Variants in EMILIN2 observed in about 807,000 individuals in gnomAD.
EMILIN2 encodes the protein elastin microfibril interfacer 2.
EMILIN2 carries 71 observed loss-of-function variants against 87.1 expected under a neutral mutation model. The observed-to-expected ratio is 0.82, with a 90% CI of 0.67 to 0.99. The LOEUF (loss-of-function observed/expected upper bound fraction) is 0.99, where lower values mean the gene tolerates loss of function less well. Ranked by LOEUF, EMILIN2 falls within the 50% of genes least tolerant of loss-of-function variation. The pLI is 0.00. For synonymous variants in EMILIN2, 581 were observed against 563.4 expected (o/e 1.03, Z -0.44); for missense variants, 1,407 against 1,371.8 (o/e 1.03, Z -0.40).
chr18:2,874,554 T>C (rs7226712), intron 2 of EMILIN2, among the ~76,000 whole-genome samples: 79,836 of 151,974 alleles, frequency 0.53, 23,362 homozygotes, highest in African/African-American at 0.79. Flanking sequence ...CTGGCACTTT[T>C]TTCCAGAAAC....
intron 2 of EMILIN2, among the ~76,000 whole-genome samples, chr18:2,875,734 T>G (rs2076744324): frequency 6.6e-6 from 1 of 152,126 alleles, no homozygotes; most frequent in Non-Finnish European, 1.5e-5. Flanking sequence ...GCCATGTGAG[T>G]TTGCTCAGAA....
In EMILIN2 at chr18:2,868,021, C is replaced by G. The variant is rs560354109; in HGVS notation, c.258-16943C>G. 3.7e-3 allele frequency among the ~76,000 whole-genome samples: 565 copies of G among 152,054 alleles called. 4 individuals are homozygous for G. Among genetic ancestry groups the G allele is most frequent in the African/African-American group, 0.013 (547 of 41,446 alleles). On this transcript the variant is annotated intron_variant, in intron 2 of 7. Coordinates refer to ENST00000254528, the MANE Select transcript of EMILIN2 (RefSeq NM_032048.3). ...CCTCCCGGACGGGGTGGCTGCCGGG[C>G]GGAGATGCTCCTCACTTCCCAGACG... is the stretch of plus-strand genomic sequence containing the variant.
At chr18:2,849,603 G>A (rs2143944007) in intron 2 of EMILIN2, among the ~76,000 whole-genome samples, 1 of 152,338 alleles carries the variant, frequency 6.6e-6, no homozygotes, top group South Asian at 2.1e-4. Context: ...TTGCCACCCA[G>A]TGAGTAGGAC....
rs967467607 is a variant in EMILIN2, at chr18:2,880,635, T to A, written c.258-4329T>A. Among the ~76,000 whole-genome samples, 1 of 152,192 alleles carries A rather than the reference T, an allele frequency of 6.6e-6. No homozygotes were observed. The highest frequency in any genetic ancestry group is 1.5e-5 in the Non-Finnish European group (1 of 68,032). ...CGCTGCGCAGCCCCGCCGCCTTAAC[T>A]TTTCCTCTGGCTGCGGGTCCCTCGG... On this transcript the variant is annotated intron_variant, in intron 2 of 7. Coordinates refer to ENST00000254528, the MANE Select transcript of EMILIN2 (RefSeq NM_032048.3). This position sits in a 1 kb window ranked among gnomAD's most constrained non-coding sequence, Gnocchi z 4.1.
Position 2,913,718 on chromosome 18 carries a change from G to A in EMILIN2, c.*314G>A, listed in dbSNP as rs754952094. ...GGCCTGAGCTTGCCACAGAGGCTCC[G>A]TCTGACTGTGGGCTGGGAGGAGGGA... On this transcript the variant is annotated 3_prime_UTR_variant, in exon 8 of 8. Coordinates refer to ENST00000254528, the MANE Select transcript of EMILIN2 (RefSeq NM_032048.3). The A allele has an allele frequency of 3.1e-5, 9 of 286,376 alleles. No individual in the cohort carries two copies. Among genetic ancestry groups the A allele is most frequent in the Middle Eastern group, 9.9e-4 (1 of 1,010 alleles). 17.7% of individuals were successfully genotyped at this position (286,376 alleles called of 1,614,324 possible). A position where few individuals can be genotyped will look rare whatever the true frequency, so the allele number is the denominator to read the frequency against.
At chr18:2,858,605 G>GTGTGTGTATA (rs1555665480) in intron 2 of EMILIN2, among the ~76,000 whole-genome samples, 1 of 86,200 alleles carries the variant, frequency 1.2e-5, no homozygotes, top group African/African-American at 7.3e-5. Context: ...ATATATATGT[G>GTGTGTGTATA]TATATATATA....
chr18:2,867,044 A>C (rs1473003359), intron 2 of EMILIN2, among the ~76,000 whole-genome samples: 3 of 152,210 alleles, frequency 2.0e-5, no homozygotes, highest in Non-Finnish European at 4.4e-5. Flanking sequence ...CCTGGTATGA[A>C]ACCCACTTGA....
intron 2 of EMILIN2, among the ~76,000 whole-genome samples, chr18:2,867,545 G>A (rs929249814): frequency 1.3e-5 from 2 of 152,100 alleles, no homozygotes; most frequent in African/African-American, 4.8e-5. Context: ...AGGGAGTGGT[G>A]ATGACTCTCA....
At chr18:2,876,327 A>C (rs2076747670) in intron 2 of EMILIN2, among the ~76,000 whole-genome samples, 1 of 152,008 alleles carries the variant, frequency 6.6e-6, no homozygotes, top group Admixed American at 6.6e-5. Context: ...TGTGATAAGG[A>C]AATTAATTCA....
At position 2,870,385 on chromosome 18, in the gene EMILIN2, A is replaced by G. The variant is rs186574978; in HGVS notation, c.258-14579A>G. ...CAACAGGCTTGAAAGAAGACTTATT[A>G]TTTGAAGACTATTTGTTTCATTAAA... On this transcript the variant is annotated intron_variant, in intron 2 of 7. Transcript: ENST00000254528. Among the ~76,000 whole-genome samples, 441 of 152,390 alleles carry G rather than the reference A, an allele frequency of 2.9e-3. 4 individuals are homozygous for G. Among genetic ancestry groups the G allele is most frequent in the South Asian group, 0.028 (136 of 4,830 alleles).
At chr18:2,912,081 C>T (rs572145952) in intron 7 of EMILIN2, among the ~76,000 whole-genome samples, 2 of 142,552 alleles carry the variant, frequency 1.4e-5, no homozygotes, top group East Asian at 2.1e-4. Flanking sequence ...TTCTGTCACC[C>T]AGGCTGGAGT....
chr18:2,857,756 G>C (rs1211711336), intron 2 of EMILIN2, among the ~76,000 whole-genome samples: 2 of 152,166 alleles, frequency 1.3e-5, no homozygotes. Flanking sequence ...AGTCCGGTCT[G>C]TTGTGCTGAC....
At chr18:2,846,604 G>A (rs2076574630), upstream of EMILIN2, among the ~76,000 whole-genome samples, 1 of 152,206 alleles carries the variant, frequency 6.6e-6, no homozygotes, top group Admixed American at 6.5e-5. The surrounding 1 kb of genome is among the most constrained non-coding windows in gnomAD (Gnocchi z 5.3). Context: ...TTCGAGTCGA[G>A]CCCCCACTCC....
At chr18:2,901,570 C>T (rs1404403175) in intron 4 of EMILIN2, among the ~76,000 whole-genome samples, 1 of 152,236 alleles carries the variant, frequency 6.6e-6, no homozygotes, top group East Asian at 1.9e-4. Context: ...CCCTACCCGA[C>T]CCGTGCGGAG....
chr18:2,869,786 T>TTGTGTGTGTGTG (rs777623155), intron 2 of EMILIN2, among the ~76,000 whole-genome samples: 70 of 59,156 alleles, frequency 1.2e-3, no homozygotes, highest in Middle Eastern at 7.4e-3. Flanking sequence ...GTGTGTGTGT[T>TTGTGTGTGTGTG]TGTGTGTGTG....
chr18:2,856,154 C>T (rs1207736782), intron 2 of EMILIN2, among the ~76,000 whole-genome samples: 1 of 152,028 alleles, frequency 6.6e-6, no homozygotes, highest in Non-Finnish European at 1.5e-5. Context: ...GCGGGAGGAT[C>T]GCTTGAGTCA....
intron 2 of EMILIN2, among the ~76,000 whole-genome samples, chr18:2,856,991 A>C (rs2076631109): frequency 6.6e-6 from 1 of 152,202 alleles, no homozygotes; most frequent in South Asian, 2.1e-4. Flanking sequence ...GAAACAAAGT[A>C]GGGAGCATTC....
chr18:2,906,764 TCTCCCCGACGCCCGGCAGAGGCGCCCTC>T lies in EMILIN2; in HGVS notation c.2360-18_2369del, dbSNP rs1206550537. 3.1e-6 allele frequency: 4 copies of T among 1,276,632 alleles called. No homozygotes were observed. The highest frequency in any genetic ancestry group is 3.1e-5 in the African/African-American group (2 of 64,272). 79.1% of individuals were successfully genotyped at this position (1,276,632 alleles called of 1,614,324 possible). A position where few individuals can be genotyped will look rare whatever the true frequency, so the allele number is the denominator to read the frequency against. ...GGTTTCCTAATCCCGTGTGTTTCTTTCTCCCCGACGCCCGGCAGAGGCGCCCTCGCCCCCGCCGCCCGCAGAGGCCCCG... is the reference window on the plus strand; with the variant it reads ...GGTTTCCTAATCCCGTGTGTTTCTTTGCCCCCGCCGCCCGCAGAGGCCCCG... On this transcript the variant is annotated splice_acceptor_variant and splice_polypyrimidine_tract_variant and coding_sequence_variant and intron_variant, in exon 5 of 8. Transcript: ENST00000254528. LOFTEE classifies it high-confidence loss of function.
intron 2 of EMILIN2, among the ~76,000 whole-genome samples, chr18:2,876,541 T>C (rs111348501): frequency 5.6e-5 from 7 of 125,528 alleles, no homozygotes; most frequent in African/African-American, 8.8e-5. Context: ...CCGAGGTGGG[T>C]GGATCACAAG....
Sources: gnomAD v4.1 joint callset for allele counts (sites outside exome capture counted in the v4.1 genomes callset) on GRCh38, gnomAD v4.1.1 for gene constraint, Gnocchi (gnomAD v3.1) non-coding constraint, MANE v1.5 for transcripts, NCBI Gene and HGNC (gene_info 2026-07-23, HGNC 2026-07-21) for gene names.